Variants in COL8A2 observed in about 807,000 individuals in gnomAD.
COL8A2 encodes collagen alpha-2(VIII) chain.
Under a neutral mutation model 24.0 loss-of-function variants are expected in COL8A2, and 16 were observed. The observed-to-expected ratio is 0.67, with a 90% CI of 0.45 to 1.01. The LOEUF (loss-of-function observed/expected upper bound fraction) is 1.01. COL8A2 is among the 50% of genes least tolerant of loss of function. COL8A2 has a pLI of 0.00. For synonymous variants in COL8A2, 466 were observed against 424.5 expected, an observed-to-expected ratio of 1.10 and a Z score of -1.20; for missense variants, 818 against 942.4, an observed-to-expected ratio of 0.87 and a Z score of 1.73.
Position 36,099,193 on chromosome 1 carries a change from A to G in COL8A2, c.488T>C (p.Leu163Pro). Residue 163 changes from leucine (L) to proline (P), a missense_variant, in exon 4 of 4, where the codon CTC (leucine) becomes CCC (proline). Around this residue, in one of 3 missense-constraint regions of COL8A2, gnomAD observed 573 missense variants for 616.8 expected, o/e 0.93. Coordinates refer to ENST00000397799, the MANE Select transcript of COL8A2 (RefSeq NM_005202.4). Reference protein sequence around the residue: ...GLRGPPGPPGLPGPSGITIPG... With the variant: ...GLRGPPGPPGPPGPSGITIPG... ...GATAGTAATGCCTGAGGGGCCCGGG[A>G]GGCCAGGGGGTCCTGGGGGTCCCCG... 1 of 1,512,956 alleles carries G rather than the reference A, an allele frequency of 6.6e-7. No individual in the cohort carries two copies. The highest frequency in any genetic ancestry group is 8.9e-7 in the Non-Finnish European group (1 of 1,129,070). 93.7% of individuals were successfully genotyped at this position (1,512,956 alleles called of 1,614,324 possible).
At chr1:36,110,913 T>C (rs1159346009) in intron 2 of COL8A2, among the ~76,000 whole-genome samples, 1 of 152,110 alleles carries the variant, frequency 6.6e-6, no homozygotes, top group African/African-American at 2.4e-5. Flanking sequence ...TTATGGACCT[T>C]GGGGAGGAGC....
chr1:36,109,403 A>T (rs1022706992), intron 2 of COL8A2, among the ~76,000 whole-genome samples: 2 of 151,890 alleles, frequency 1.3e-5, no homozygotes, highest in Non-Finnish European at 2.9e-5. Context: ...CCTATCAGGG[A>T]CCCATCCCTG....
chr1:36,117,537 C>A (rs1643885382), intron 1 of COL8A2, among the ~76,000 whole-genome samples: 1 of 152,192 alleles, frequency 6.6e-6, no homozygotes, highest in Admixed American at 6.5e-5. Context: ...AACACATGAA[C>A]TAACTAATCA....
In COL8A2 at chr1:36,098,649, C is replaced by T; in HGVS notation, c.1032G>A (p.Glu344=). 6.2e-7 allele frequency: 1 copy of T among 1,610,614 alleles called. No homozygotes were observed. The highest frequency in any genetic ancestry group is 8.5e-7 in the Non-Finnish European group (1 of 1,179,394). The change falls in exon 4 of 4, where the codon GAG becomes GAA. Residue 344 remains glutamate (E), a synonymous_variant. Transcript: ENST00000397799. The part of the protein sequence containing the change: ...GLLGDRGEPG[E]DGEPGEQGPQ... ...GGCCCTGCTCCCCTGGCTCCCCATC[C>T]TCCCCTGGCTCACCCCTGTCCCCCA...
chr1:36,099,526 C>T, intron 3 of COL8A2, 39 bp from the exon 4 acceptor site: 3 of 1,446,928 alleles, frequency 2.1e-6, no homozygotes, highest in South Asian at 1.2e-5. Context: ...GGGGCCTGAA[C>T]TGTGGGGACA....
chr1:36,109,313 C>G lies in COL8A2; in HGVS notation c.-17+6395G>C, dbSNP rs564106697. Among the ~76,000 whole-genome samples the G allele has an allele frequency of 2.6e-5, 4 of 152,354 alleles. 1 individual carries two copies. In the South Asian group the frequency reaches 8.3e-4, roughly 32 times the overall value. On this transcript the variant is annotated intron_variant, in intron 2 of 3. Transcript: ENST00000397799. ...CTGCGCTCTTGCTGGGTCTCTACTC[C>G]TGACTCCTCTCTCCCCTCCTCCTTC... is the stretch of plus-strand genomic sequence containing the variant.
chr1:36,104,249 T>C (rs1643723127), intron 2 of COL8A2, among the ~76,000 whole-genome samples: 1 of 151,930 alleles, frequency 6.6e-6, no homozygotes, highest in Non-Finnish European at 1.5e-5. Flanking sequence ...CTCAGCACTT[T>C]GGGAGGCCGA....
intron 2 of COL8A2, among the ~76,000 whole-genome samples, chr1:36,112,547 T>A (rs1643857998): frequency 6.6e-6 from 1 of 152,056 alleles, no homozygotes; most frequent in South Asian, 2.1e-4. Context: ...TTCCCCTGCT[T>A]TCCCACAGCC....
Position 36,095,931 on chromosome 1 carries a change from G to C in COL8A2, c.*1638C>G, listed in dbSNP as rs1348254254. 6.6e-6 allele frequency: 1 copy of C among 152,242 alleles called. No individual in the cohort carries two copies. The highest frequency in any genetic ancestry group is 1.5e-5 in the Non-Finnish European group (1 of 68,044). 9.4% of individuals were successfully genotyped at this position (152,242 alleles called of 1,614,324 possible). On this transcript the variant is annotated 3_prime_UTR_variant, in exon 4 of 4. Coordinates refer to ENST00000397799, the MANE Select transcript of COL8A2 (RefSeq NM_005202.4). ...TTATCATTCCTCCTTTTGAAGAAGT[G>C]AGCAAACAGCCTGCTTTGTTTGGAG... is the stretch of plus-strand genomic sequence containing the variant.
intron 2 of COL8A2, among the ~76,000 whole-genome samples, chr1:36,111,320 A>G (rs1417389220): frequency 6.6e-6 from 1 of 151,488 alleles, no homozygotes; most frequent in Non-Finnish European, 1.5e-5. Context: ...GGGGTGCTCC[A>G]CCTTGTCACT....
chr1:36,121,578 G>A, intron 1 of COL8A2, among the ~76,000 whole-genome samples: 1 of 150,536 alleles, frequency 6.6e-6, no homozygotes, highest in African/African-American at 2.5e-5. Context: ...CATGGTGGTG[G>A]ACGCCTATAA....
chr1:36,099,947 G>T, intron 3 of COL8A2, 103 bp downstream of exon 3: 1 of 1,088,720 alleles, frequency 9.2e-7, no homozygotes, highest in Non-Finnish European at 1.4e-6. Context: ...GGTGGGGAAT[G>T]AGGAGCTGTG....
At chr1:36,119,479 AC>A (rs1480060213) in intron 1 of COL8A2, among the ~76,000 whole-genome samples, 1 of 151,650 alleles carries the variant, frequency 6.6e-6, no homozygotes, top group African/African-American at 2.4e-5. Context: ...AGTCCCCCGC[AC>A]CCCCTCAGTC....
intron 2 of COL8A2, among the ~76,000 whole-genome samples, chr1:36,112,035 G>A (rs539107661): frequency 1.1e-4 from 16 of 152,112 alleles, no homozygotes; most frequent in African/African-American, 3.6e-4. Flanking sequence ...ACGGAGTCTC[G>A]CTCTGTTGCC....
At chr1:36,107,760 T>G (rs1024817394) in intron 2 of COL8A2, among the ~76,000 whole-genome samples, 3 of 151,932 alleles carry the variant, frequency 2.0e-5, no homozygotes, top group Admixed American at 6.6e-5. Context: ...TGGGCACCTC[T>G]GAGCCCCCTG....
intron 2 of COL8A2, among the ~76,000 whole-genome samples, chr1:36,110,706 GGTCTC>G (rs1643828887): frequency 6.6e-6 from 1 of 151,924 alleles, no homozygotes; most frequent in African/African-American, 2.4e-5. Flanking sequence ...TGGTCAGGCT[GGTCTC>G]GAACGCCTGA....
Position 36,099,266 on chromosome 1 carries a change from G to GC in COL8A2, c.414dup (p.Gln139AlafsTer63). On this transcript the variant is annotated frameshift_variant, in exon 4 of 4. Coordinates refer to ENST00000397799, the MANE Select transcript of COL8A2 (RefSeq NM_005202.4). LOFTEE classifies it low-confidence loss of function (END_TRUNC). ...CCTGGCTCCCCCCGAAGCCCCGGCTGCCCTGGTGGCCCGACCTTGCCAGGG... is the reference window on the plus strand; with the variant it reads ...CCTGGCTCCCCCCGAAGCCCCGGCTGCCCCTGGTGGCCCGACCTTGCCAGGG... 2.6e-6 allele frequency: 4 copies of GC among 1,551,362 alleles called. No individual in the cohort carries two copies. The highest frequency in any genetic ancestry group is 3.5e-6 in the Non-Finnish European group (4 of 1,147,942).
In COL8A2 at chr1:36,097,365, T is replaced by C. The variant is rs1319087761; in HGVS notation, c.*204A>G. 2 of 578,202 alleles carry C rather than the reference T, an allele frequency of 3.5e-6. No individual in the cohort carries two copies. Among genetic ancestry groups the C allele is most frequent in the Non-Finnish European group, 6.2e-6 (2 of 324,836 alleles). 35.8% of individuals were successfully genotyped at this position (578,202 alleles called of 1,614,324 possible). ...TGCAGCCCTGACACTGCACAGACAT[T>C]TGGGGGAAAGAAACTCAGGCCAGCC... On this transcript the variant is annotated 3_prime_UTR_variant, in exon 4 of 4. Transcript: ENST00000397799.
intron 2 of COL8A2, 44 bp from the exon 3 acceptor site, chr1:36,100,302 G>T: frequency 6.6e-7 from 1 of 1,517,116 alleles, no homozygotes; most frequent in Non-Finnish European, 8.9e-7. Context: ...GCCCTGGGTG[G>T]TTTGGCACTA....
Sources: gnomAD v4.1 joint callset for allele counts (sites outside exome capture counted in the v4.1 genomes callset) on GRCh38, gnomAD v4.1.1 for gene constraint, gnomAD v4.1.1 regional missense constraint, MANE v1.5 for transcripts, NCBI Gene and HGNC (gene_info 2026-07-23, HGNC 2026-07-21) for gene names.